LINC00237: variants seen among roughly 807,000 people sequenced by gnomAD.
LINC00237 encodes the protein long independently transcribed non-coding RNA 237, also known as long intergenic non-protein coding RNA 237.
chr20:21,094,317 T>C (rs2030828822), intron 1 of LINC00237, among the ~76,000 whole-genome samples: 3 of 152,210 alleles, frequency 2.0e-5, no homozygotes, highest in Admixed American at 2.0e-4. Context: ...GAGACTCCAC[T>C]ATGTACTCAA....
chr20:21,092,074 C>T (rs907557370), intron 2 of LINC00237, among the ~76,000 whole-genome samples: 3 of 152,192 alleles, frequency 2.0e-5, no homozygotes, highest in African/African-American at 7.2e-5. Context: ...AAGACCCCCT[C>T]GTCAGGGTGC....
intron 2 of LINC00237, chr20:21,090,453 A>C (rs1431208153): frequency 3.9e-5 from 6 of 152,208 alleles, no homozygotes; most frequent in African/African-American, 9.7e-5. Context: ...CCCTCGCATC[A>C]GTCATCAGCT....
intron 2 of LINC00237, among the ~76,000 whole-genome samples, chr20:21,090,741 C>T (rs1247025372): frequency 6.6e-6 from 1 of 152,158 alleles, no homozygotes; most frequent in Non-Finnish European, 1.5e-5. Context: ...GCTGCCCTTG[C>T]TCCCTGCTCT....
chr20:21,098,666 A>G (rs563992427), intron 1 of LINC00237, among the ~76,000 whole-genome samples: 1 of 152,354 alleles, frequency 6.6e-6, no homozygotes, highest in African/African-American at 2.4e-5. Flanking sequence ...CAGTGGCTTC[A>G]AGTACTTAGA....
At chr20:21,099,530 C>G (rs2122180080) in intron 1 of LINC00237, among the ~76,000 whole-genome samples, 1 of 152,236 alleles carries the variant, frequency 6.6e-6, no homozygotes, top group Non-Finnish European at 1.5e-5. Context: ...CCATCCAGCC[C>G]CTCCCAGCAC....
At chr20:21,089,361 AG>A (rs2030760338) in intron 2 of LINC00237, among the ~76,000 whole-genome samples, 1 of 151,942 alleles carries the variant, frequency 6.6e-6, no homozygotes, top group East Asian at 1.9e-4. Flanking sequence ...AACAAACCAG[AG>A]ACTGCCTGTG....
chr20:21,098,516 G>T (rs2030888706), intron 1 of LINC00237, among the ~76,000 whole-genome samples: 1 of 152,206 alleles, frequency 6.6e-6, no homozygotes, highest in South Asian at 2.1e-4. Context: ...TGTATTCATT[G>T]TAAAGTTGTA....
At chr20:21,090,790 C>A (rs185372390) in intron 2 of LINC00237, among the ~76,000 whole-genome samples, 1 of 152,136 alleles carries the variant, frequency 6.6e-6, no homozygotes, top group Non-Finnish European at 1.5e-5. Flanking sequence ...CCTCATTACA[C>A]GCCGGATCAA....
In LINC00237 at chr20:21,104,879, T is replaced by C. The variant is rs570147844; in HGVS notation, n.88+1392A>G. ...CGTACACACACACTCATATATTTTT[T>C]CTATACTGTGACCTCTGTTTACAAG... is the stretch of plus-strand genomic sequence containing the variant. On this transcript the variant is annotated intron_variant and non_coding_transcript_variant, in intron 1 of 3. Transcript: ENST00000691244. 2.6e-5 allele frequency among the ~76,000 whole-genome samples: 4 copies of C among 152,302 alleles called. No individual in the cohort carries two copies. The South Asian group carries it at 8.3e-4, about 32-fold the overall frequency.
intron 3 of LINC00237, chr20:21,087,571 T>C (rs771989275): frequency 5.3e-5 from 8 of 152,152 alleles, no homozygotes; most frequent in Non-Finnish European, 1.0e-4. Flanking sequence ...CATTTCCCCA[T>C]GACCTTGCCA....
chr20:21,102,720 G>C (rs1386945109), intron 1 of LINC00237, among the ~76,000 whole-genome samples: 1 of 152,070 alleles, frequency 6.6e-6, no homozygotes, highest in East Asian at 1.9e-4. Flanking sequence ...AAAAGGAGGG[G>C]GAGAGAGGAA....
chr20:21,105,905 A>G (rs1387066110), intron 1 of LINC00237, among the ~76,000 whole-genome samples: 2 of 152,036 alleles, frequency 1.3e-5, no homozygotes, highest in African/African-American at 4.8e-5. Context: ...GGGTGGCCCA[A>G]CCCGACCGCC....
intron 2 of LINC00237, chr20:21,090,440 C>T (rs2030777143): frequency 6.6e-6 from 1 of 152,214 alleles, no homozygotes. Flanking sequence ...CAAATTCAGG[C>T]CTCCCTCGCA....
At chr20:21,105,744 T>G (rs2030990476) in intron 1 of LINC00237, among the ~76,000 whole-genome samples, 1 of 152,218 alleles carries the variant, frequency 6.6e-6, no homozygotes, top group South Asian at 2.1e-4. Flanking sequence ...CCGGAGACTC[T>G]GCGCCTAGAG....
At chr20:21,087,949 C>G (rs1041776201) in exon 3 of LINC00237, 8 of 152,190 alleles carry the variant, frequency 5.3e-5, no homozygotes, top group African/African-American at 1.9e-4. Flanking sequence ...AGTACCTGTT[C>G]TCTTCTTCTT....
At chr20:21,097,658 G>A (rs867908320) in intron 1 of LINC00237, among the ~76,000 whole-genome samples, 1 of 152,136 alleles carries the variant, frequency 6.6e-6, no homozygotes, top group African/African-American at 2.4e-5. Flanking sequence ...TTTTGTGCAA[G>A]TGAACAAGAG....
Position 21,101,174 on chromosome 20 carries a change from T to C in LINC00237, n.88+5097A>G, listed in dbSNP as rs2030926398. 6.6e-6 allele frequency among the ~76,000 whole-genome samples: 1 copy of C among 152,078 alleles called. No homozygotes were observed. The highest frequency in any genetic ancestry group is 6.5e-5 in the Admixed American group (1 of 15,278). On this transcript the variant is annotated intron_variant and non_coding_transcript_variant, in intron 1 of 3. Transcript: ENST00000691244. The surrounding 1 kb of genome is among the most constrained non-coding windows in gnomAD (Gnocchi z 4.3). Reference sequence around the variant, plus strand: ...GGGGAAATTACTTGATTAGCGTCCATCGGAGGAGAACACGGTTACAGCCCC... The same window carrying C: ...GGGGAAATTACTTGATTAGCGTCCACCGGAGGAGAACACGGTTACAGCCCC...
intron 1 of LINC00237, among the ~76,000 whole-genome samples, chr20:21,103,200 T>C (rs1004773300): frequency 3.9e-5 from 6 of 152,248 alleles, no homozygotes; most frequent in South Asian, 2.1e-4. Flanking sequence ...CCGAAATGCG[T>C]GTCTCGCACA....
At chr20:21,096,946 A>T (rs1229348034) in intron 1 of LINC00237, among the ~76,000 whole-genome samples, 1 of 152,156 alleles carries the variant, frequency 6.6e-6, no homozygotes, top group Non-Finnish European at 1.5e-5. Flanking sequence ...CAAACACCAA[A>T]ACAATGTCTT....
Sources: allele counts gnomAD v4.1 joint callset (sites outside exome capture counted in the v4.1 genomes callset), GRCh38; gene constraint gnomAD v4.1.1; non-coding constraint Gnocchi (gnomAD v3.1); transcripts MANE v1.5; gene names NCBI Gene and HGNC (gene_info 2026-07-23, HGNC 2026-07-21).